The following SLC44A5 variants were observed in gnomAD, a reference collection of about 807,000 sequenced individuals.
SLC44A5 encodes the protein choline transporter-like protein 5.
A neutral mutation model predicts 101.8 loss-of-function variants in SLC44A5; 57 were observed. That is an observed-to-expected ratio of 0.56 (90% CI 0.45 to 0.70). The LOEUF (loss-of-function observed/expected upper bound fraction) is 0.70. Among genes scored for constraint, SLC44A5 ranks in the 30% least tolerant of loss-of-function variants. The probability of loss-of-function intolerance (pLI) is 0.00; values close to 1 mark genes in which losing one functional copy is unlikely to be tolerated. For synonymous variants in SLC44A5, 281 were observed against 290.9 expected (o/e 0.97, Z 0.35); for missense variants, 737 against 853.1 (o/e 0.86, Z 1.70).
At chr1:75,237,795 G>C (rs1648232426) in intron 10 of SLC44A5, among the ~76,000 whole-genome samples, 1 of 151,966 alleles carries the variant, frequency 6.6e-6, no homozygotes, top group Non-Finnish European at 1.5e-5. Flanking sequence ...AGCTGCTATT[G>C]TATTCTAAAT....
At chr1:75,510,748 T>C (rs1328551762) in intron 2 of SLC44A5, among the ~76,000 whole-genome samples, 1 of 152,214 alleles carries the variant, frequency 6.6e-6, no homozygotes, top group African/African-American at 2.4e-5. Flanking sequence ...ATTCTTAATG[T>C]GCCTTGATAA....
At chr1:75,395,621 G>A (rs967266450) in intron 3 of SLC44A5, among the ~76,000 whole-genome samples, 1 of 152,100 alleles carries the variant, frequency 6.6e-6, no homozygotes, top group African/African-American at 2.4e-5. Flanking sequence ...AAAGAGGCAG[G>A]AAAGTACATG....
intron 1 of SLC44A5, among the ~76,000 whole-genome samples, chr1:75,577,681 A>G (rs903593462): frequency 2.6e-5 from 4 of 152,150 alleles, no homozygotes; most frequent in Non-Finnish European, 4.4e-5. Flanking sequence ...TTTATTTATT[A>G]ATTTTAATTA....
intron 1 of SLC44A5, among the ~76,000 whole-genome samples, chr1:75,593,823 C>T (rs1366128085): frequency 2.6e-5 from 4 of 151,522 alleles, no homozygotes; most frequent in Admixed American, 1.3e-4. Context: ...GTAGGAGTTA[C>T]CAAAGGCTGA....
intron 2 of SLC44A5, among the ~76,000 whole-genome samples, chr1:75,403,767 T>C (rs1222191072): frequency 6.6e-6 from 1 of 151,966 alleles, no homozygotes; most frequent in Non-Finnish European, 1.5e-5. Flanking sequence ...GGCTGAAAAT[T>C]ACAAATACCA....
the SLC44A5 span, among the ~76,000 whole-genome samples, chr1:75,684,277 C>T: frequency 6.6e-6 from 1 of 152,262 alleles, no homozygotes; most frequent in South Asian, 2.1e-4. Flanking sequence ...TGGGTAGGGA[C>T]ATGGAGCCAA....
At chr1:75,474,768 G>T (rs892660082) in intron 2 of SLC44A5, among the ~76,000 whole-genome samples, 22 of 152,162 alleles carry the variant, frequency 1.4e-4, no homozygotes, top group Admixed American at 4.6e-4. Context: ...TAATTATGAT[G>T]TGAGTGGGCT....
chr1:75,376,410 G>A (rs575975310), intron 3 of SLC44A5, among the ~76,000 whole-genome samples: 1 of 152,284 alleles, frequency 6.6e-6, no homozygotes, highest in African/African-American at 2.4e-5. Context: ...AAAGACAGCA[G>A]TAACCTCTGC....
At chr1:75,396,849 A>G (rs1002627510) in intron 2 of SLC44A5, among the ~76,000 whole-genome samples, 1 of 152,146 alleles carries the variant, frequency 6.6e-6, no homozygotes, top group African/African-American at 2.4e-5. Flanking sequence ...TGCTGGAGGT[A>G]AGAGGTTTGG....
chr1:75,231,303 GT>G (rs1647547251), intron 12 of SLC44A5, among the ~76,000 whole-genome samples: 1 of 152,076 alleles, frequency 6.6e-6, no homozygotes, highest in African/African-American at 2.4e-5. Flanking sequence ...TAGCTCATGA[GT>G]TATTTTTTTC....
intron 5 of SLC44A5, 27 bp from the exon 6 acceptor site, chr1:75,275,069 G>A (rs769906533): frequency 6.3e-7 from 1 of 1,590,582 alleles, no homozygotes; most frequent in African/African-American, 1.3e-5. Context: ...GGACAAATAT[G>A]CTATCAGCAA....
chr1:75,709,374 T>C, the SLC44A5 span, among the ~76,000 whole-genome samples: 11,687 of 152,276 alleles, frequency 0.077, 1,510 homozygotes, highest in African/African-American at 0.27. Flanking sequence ...TATTATTACA[T>C]ACTGATACTC....
At chr1:75,678,861 TG>T in the SLC44A5 span, among the ~76,000 whole-genome samples, 1 of 152,050 alleles carries the variant, frequency 6.6e-6, no homozygotes, top group African/African-American at 2.4e-5. Context: ...TTGAAAACTT[TG>T]AAAAAAATTT....
At chr1:75,622,262 C>T in the SLC44A5 span, among the ~76,000 whole-genome samples, 8 of 152,026 alleles carry the variant, frequency 5.3e-5, no homozygotes, top group Admixed American at 3.3e-4. Flanking sequence ...CTCCTCACCC[C>T]ACCCCCAACA....
At chr1:75,373,178 C>T (rs561427328) in intron 3 of SLC44A5, among the ~76,000 whole-genome samples, 1 of 151,922 alleles carries the variant, frequency 6.6e-6, no homozygotes, top group African/African-American at 2.4e-5. Flanking sequence ...TAACAGAAAC[C>T]AAAATGTAGA....
At chr1:75,242,799 C>T (rs955719787) in intron 8 of SLC44A5, 87 bp downstream of exon 8, 4 of 1,422,082 alleles carry the variant, frequency 2.8e-6, no homozygotes, top group East Asian at 2.4e-5. Flanking sequence ...GATTTGGGAG[C>T]TTGTTCAGTA....
intron 1 of SLC44A5, among the ~76,000 whole-genome samples, chr1:75,599,798 G>GAATTA (rs1674866789): frequency 6.6e-6 from 1 of 152,072 alleles, no homozygotes; most frequent in Non-Finnish European, 1.5e-5. Flanking sequence ...TAGTGTGGTC[G>GAATTA]GATCATTAAG....
At chr1:75,665,803 GA>G in the SLC44A5 span, among the ~76,000 whole-genome samples, 6 of 152,122 alleles carry the variant, frequency 3.9e-5, no homozygotes, top group Admixed American at 2.0e-4. Flanking sequence ...TAGAAATGGG[GA>G]AAAGACATGA....
intron 1 of SLC44A5, among the ~76,000 whole-genome samples, chr1:75,604,531 A>C (rs1675204192): frequency 6.6e-6 from 1 of 151,950 alleles, no homozygotes; most frequent in South Asian, 2.1e-4. Flanking sequence ...TATGAATTTT[A>C]GAATAGTTTT....
Sources: allele counts gnomAD v4.1 joint callset (sites outside exome capture counted in the v4.1 genomes callset), GRCh38; gene constraint gnomAD v4.1.1; transcripts MANE v1.5; gene names NCBI Gene and HGNC (gene_info 2026-07-23, HGNC 2026-07-21).